Variants in CLEC16A observed in about 807,000 individuals in gnomAD.
CLEC16A encodes protein CLEC16A.
A neutral mutation model predicts 109.5 loss-of-function variants in CLEC16A; 51 were observed. That is an observed-to-expected ratio of 0.47 (90% confidence interval 0.37 to 0.59). CLEC16A has a LOEUF of 0.59. CLEC16A is among the 20% of genes least tolerant of loss of function. The pLI, the probability that CLEC16A is intolerant of heterozygous loss-of-function variation, is 0.00. For missense variants in CLEC16A, 1,339 were observed against 1,394.0 expected, an observed-to-expected ratio of 0.96 and a Z score of 0.63; for synonymous variants, 673 against 564.2, an observed-to-expected ratio of 1.19 and a Z score of -2.73.
chr16:10,991,135 G>A (rs892856370), intron 10 of CLEC16A, among the ~76,000 whole-genome samples: 3 of 152,080 alleles, frequency 2.0e-5, no homozygotes, highest in African/African-American at 7.2e-5. Flanking sequence ...ATCAGGGCAC[G>A]TTAGATGTGA....
chr16:11,124,086 C>A, intron 21 of CLEC16A, 140 bp downstream of exon 21: 1 of 814,972 alleles, frequency 1.2e-6, no homozygotes, highest in Non-Finnish European at 1.9e-6. Flanking sequence ...TATACGAATA[C>A]GAGGAAGTTC....
At chr16:11,070,415 C>G (rs1465055365) in intron 19 of CLEC16A, 2 of 151,756 alleles carry the variant, frequency 1.3e-5, no homozygotes, top group Non-Finnish European at 2.9e-5. Flanking sequence ...CTATGTTGCC[C>G]AGGCTGGTCT....
chr16:11,038,541 G>A (rs995912379), intron 13 of CLEC16A, among the ~76,000 whole-genome samples: 1 of 152,182 alleles, frequency 6.6e-6, no homozygotes, highest in African/African-American at 2.4e-5. Flanking sequence ...GGTCCTGTGT[G>A]CTTCTTTAGG....
intron 19 of CLEC16A, among the ~76,000 whole-genome samples, chr16:11,090,787 G>T: frequency 6.7e-6 from 1 of 150,242 alleles, no homozygotes; most frequent in Non-Finnish European, 1.5e-5. Flanking sequence ...TGGGATTACA[G>T]GCATGCGCTA....
In CLEC16A at chr16:11,174,068, G is replaced by A. The variant is rs971525191; in HGVS notation, c.2807-4267G>A. The A allele has an allele frequency of 1.2e-5, 5 of 415,228 alleles. No individual in the cohort carries two copies. Among genetic ancestry groups the A allele is most frequent in the South Asian group, 1.7e-5 (1 of 57,542 alleles). The allele number at this position is 415,228 out of a possible 1,614,324, so 25.7% of individuals were successfully genotyped here. ...CGCCCCTCGTCAGTGCTCAGCGTCCGCTGCTGCTCAGTGTCCCCTCCATGT... is the reference window on the plus strand; with the variant it reads ...CGCCCCTCGTCAGTGCTCAGCGTCCACTGCTGCTCAGTGTCCCCTCCATGT... On this transcript the variant is annotated intron_variant, in intron 23 of 23. Coordinates refer to ENST00000409790, the MANE Select transcript of CLEC16A (RefSeq NM_015226.3). This position sits in a 1 kb window ranked among gnomAD's most constrained non-coding sequence, Gnocchi z 4.7.
At chr16:11,122,492 C>T (rs1405443943) in intron 20 of CLEC16A, among the ~76,000 whole-genome samples, 2 of 151,510 alleles carry the variant, frequency 1.3e-5, no homozygotes, top group East Asian at 1.9e-4. Flanking sequence ...TTTTTTTGGC[C>T]GTCTTCCAAT....
chr16:10,973,865 C>T (rs1304509981), intron 7 of CLEC16A, among the ~76,000 whole-genome samples: 4 of 141,470 alleles, frequency 2.8e-5, no homozygotes, highest in South Asian at 4.6e-4. Flanking sequence ...GCCATACATC[C>T]GGCCAAGTAA....
rs1379423555 is a variant in CLEC16A, at chr16:10,998,518, AAATC to A, written c.1072-4553_1072-4550del. The stretch of plus-strand genomic sequence containing the variant: ...TGTGTTGTGTACTTTCTTTATGAGA[AAATC>A]AACCCAAACGCCTTGTGATTTCTTA... On this transcript the variant is annotated intron_variant, in intron 10 of 23. Coordinates refer to ENST00000409790, the MANE Select transcript of CLEC16A (RefSeq NM_015226.3). Among the ~76,000 whole-genome samples, 10 of 152,306 alleles carry A rather than the reference AAATC, an allele frequency of 6.6e-5. No homozygotes were observed. In the East Asian group the frequency reaches 1.9e-3, roughly 29 times the overall value.
chr16:11,176,521 G>C (rs1468647120), intron 23 of CLEC16A, among the ~76,000 whole-genome samples: 2 of 152,202 alleles, frequency 1.3e-5, no homozygotes, highest in East Asian at 3.8e-4. Context: ...AGGATTGCTT[G>C]AGCCCAGGAG....
At chr16:11,111,166 A>G (rs889695157) in intron 19 of CLEC16A, among the ~76,000 whole-genome samples, 4 of 152,198 alleles carry the variant, frequency 2.6e-5, no homozygotes, top group African/African-American at 7.2e-5. Context: ...TTAAATTACC[A>G]TCACAATTAT....
chr16:11,065,272 A>T (rs527245328), intron 19 of CLEC16A, among the ~76,000 whole-genome samples: 1 of 152,320 alleles, frequency 6.6e-6, no homozygotes, highest in East Asian at 1.9e-4. Context: ...TCTGTCCATT[A>T]TCCATACACC....
rs961585862 is a variant in CLEC16A, at chr16:11,087,024, C to G, written c.2116+26002C>G. On this transcript the variant is annotated intron_variant, in intron 19 of 23. Coordinates refer to ENST00000409790, the MANE Select transcript of CLEC16A (RefSeq NM_015226.3). ...TAGTAATTTTCTTTGAATGTACTCA[C>G]AATTTATCCCTGTCAGGGCAAGATG... 9.2e-5 allele frequency among the ~76,000 whole-genome samples: 14 copies of G among 152,312 alleles called. No individual in the cohort carries two copies. In the East Asian group the frequency reaches 1.2e-3, roughly 13 times the overall value.
intron 11 of CLEC16A, among the ~76,000 whole-genome samples, chr16:11,015,353 G>C (rs78874393): frequency 6.6e-6 from 1 of 152,044 alleles, no homozygotes; most frequent in South Asian, 2.1e-4. Context: ...AAGGGGGAGC[G>C]GTCCTGGCTT....
At position 10,982,352 on chromosome 16, in the gene CLEC16A, TC is replaced by T. The variant is rs61069454; in HGVS notation, c.958-522del. Among the ~76,000 whole-genome samples, 433 of 152,200 alleles carry T rather than the reference TC, an allele frequency of 2.8e-3. 2 individuals carry two copies. Among genetic ancestry groups the T allele is most frequent in the African/African-American group, 9.8e-3 (408 of 41,510 alleles). On this transcript the variant is annotated intron_variant, in intron 9 of 23. Coordinates refer to ENST00000409790, the MANE Select transcript of CLEC16A (RefSeq NM_015226.3). ...CATACCTCCTGACGATGCTGTGGAATCCCCGTGTGCTAAAACCCACCACAGG... is the reference window on the plus strand; with the variant it reads ...CATACCTCCTGACGATGCTGTGGAATCCCGTGTGCTAAAACCCACCACAGG...
intron 1 of CLEC16A, among the ~76,000 whole-genome samples, chr16:10,955,677 C>G (rs560137247): frequency 6.6e-6 from 1 of 152,308 alleles, no homozygotes; most frequent in South Asian, 2.1e-4. Flanking sequence ...ACCCACCCAC[C>G]TAAGCCACCG....
At chr16:11,091,603 T>C (rs1296409615) in intron 19 of CLEC16A, among the ~76,000 whole-genome samples, 1 of 152,208 alleles carries the variant, frequency 6.6e-6, no homozygotes. Flanking sequence ...CCGCAGAGTC[T>C]GACCGCCAGC....
intron 12 of CLEC16A, among the ~76,000 whole-genome samples, 173 bp downstream of exon 12, chr16:11,020,498 C>T (rs573022662): frequency 6.6e-6 from 1 of 152,386 alleles, no homozygotes; most frequent in Non-Finnish European, 1.5e-5. Flanking sequence ...GAGACGGAGC[C>T]ATCACTCAAC....
In CLEC16A at chr16:11,024,728, C is replaced by G. The variant is rs1023408952; in HGVS notation, c.1437-93C>G. On this transcript the variant is annotated intron_variant, in intron 12 of 23. Coordinates refer to ENST00000409790, the MANE Select transcript of CLEC16A (RefSeq NM_015226.3). ...ACAGTTGTGGCCTAAAGAGCTGTGT[C>G]AAAGGCAGCTAGCACCCCATGTGCA... is the stretch of plus-strand genomic sequence containing the variant. 23 of 939,144 alleles carry G rather than the reference C, an allele frequency of 2.4e-5. No individual in the cohort carries two copies. In the Admixed American group the frequency reaches 4.1e-4, roughly 17 times the overall value. 58.2% of individuals were successfully genotyped at this position (939,144 alleles called of 1,614,324 possible).
At position 11,180,648 on chromosome 16, in the gene CLEC16A, G is replaced by A. The variant is rs1390452963; in HGVS notation, c.*1958G>A. 6.6e-6 allele frequency: 1 copy of A among 152,280 alleles called. No individual in the cohort carries two copies. Among genetic ancestry groups the A allele is most frequent in the Admixed American group, 6.5e-5 (1 of 15,282 alleles). 9.4% of individuals were successfully genotyped at this position (152,280 alleles called of 1,614,324 possible). On this transcript the variant is annotated 3_prime_UTR_variant, in exon 24 of 24. Coordinates refer to ENST00000409790, the MANE Select transcript of CLEC16A (RefSeq NM_015226.3). ...TGGAGATGGCTAGCCCCTGAGACAT[G>A]CACTTCTGGTTTTGAAATGACTCTG...
Sources: gnomAD v4.1 joint callset for allele counts (sites outside exome capture counted in the v4.1 genomes callset) on GRCh38, gnomAD v4.1.1 for gene constraint, Gnocchi (gnomAD v3.1) non-coding constraint, MANE v1.5 for transcripts, NCBI Gene and HGNC (gene_info 2026-07-23, HGNC 2026-07-21) for gene names.